Variants in BRWD1 observed in about 807,000 individuals in gnomAD.
BRWD1 encodes bromodomain and WD repeat domain containing 1, also known as bromodomain and WD repeat-containing protein 1.
In BRWD1, 82 loss-of-function variants were observed where a neutral mutation model predicts 251.2. That is an observed-to-expected ratio of 0.33 (90% CI 0.27 to 0.39). The LOEUF is 0.39. Ranked by LOEUF, BRWD1 falls within the 10% of genes least tolerant of loss-of-function variation. BRWD1 has a pLI of 1.00. For synonymous variants in BRWD1, 918 were observed against 902.8 expected (o/e 1.02, Z -0.30); for missense variants, 2,233 against 2,711.6 (o/e 0.82, Z 3.92).
At chr21:39,314,979 GGCTTTTATTTACACCAAATAGCAAAA>G (rs2036669817), upstream of BRWD1, 2 of 152,344 alleles carry the variant, frequency 1.3e-5, no homozygotes, top group East Asian at 1.9e-4. Flanking sequence ...TGTACAAGTT[GGCTTTTATTTACACCAAATAGCAAAA>G]GCTTTTATTT....
At chr21:39,202,855 G>T (rs915453161) in intron 37 of BRWD1, among the ~76,000 whole-genome samples, 3 of 152,116 alleles carry the variant, frequency 2.0e-5, no homozygotes, top group Non-Finnish European at 4.4e-5. Context: ...CAACATTTAC[G>T]TAATATAGGT....
chr21:39,194,269 T>C lies in BRWD1; in HGVS notation c.*1990A>G. ...TATTCCATATTTATTTATGGATTTT[T>C]TTGGTACCTTTTTGCAAATGATGGT... On this transcript the variant is annotated 3_prime_UTR_variant, in exon 41 of 41. Coordinates refer to ENST00000342449, the MANE Select transcript of BRWD1 (RefSeq NM_033656.4). The C allele has an allele frequency of 1.0e-6, 1 of 989,996 alleles. No individual in the cohort carries two copies. Among genetic ancestry groups the C allele is most frequent in the African/African-American group, 1.7e-5 (1 of 57,354 alleles). 61.3% of individuals were successfully genotyped at this position (989,996 alleles called of 1,614,324 possible). A position where few individuals can be genotyped will look rare whatever the true frequency, so the allele number is the denominator to read the frequency against.
At position 39,196,797 on chromosome 21, in the gene BRWD1, T is replaced by C. The variant is rs1398780604; in HGVS notation, c.6272A>G (p.Tyr2091Cys). The C allele has an allele frequency of 1.2e-6, 2 of 1,613,218 alleles. No homozygotes were observed. The highest frequency in any genetic ancestry group is 1.3e-5 in the African/African-American group (1 of 74,922). Residue 2091 changes from tyrosine (Y) to cysteine (C), a missense_variant, in exon 41 of 41, where the codon TAT becomes TGT. Around this residue, in one of 12 missense-constraint regions of BRWD1, gnomAD observed 928 missense variants for 970.0 expected, o/e 0.96. Coordinates refer to ENST00000342449, the MANE Select transcript of BRWD1 (RefSeq NM_033656.4). Reference sequence around the variant, plus strand: ...TCTGCCATTCCACCTGCGCAGCCCATAATTCAGTTCCACTTCAAAATTATT... The same window carrying C: ...TCTGCCATTCCACCTGCGCAGCCCACAATTCAGTTCCACTTCAAAATTATT... Reference protein sequence around the residue: ...AENNFEVELNYGLRRWNGRRL... With the variant: ...AENNFEVELNCGLRRWNGRRL...
At chr21:39,318,370 C>G (rs1476975902), upstream of BRWD1, among the ~76,000 whole-genome samples, 1 of 152,096 alleles carries the variant, frequency 6.6e-6, no homozygotes, top group Non-Finnish European at 1.5e-5. Context: ...ACTCAGATAC[C>G]TAATCCAAAG....
chr21:39,197,558 T>C (rs571786324), intron 40 of BRWD1, 143 bp from the exon 41 acceptor site: 44 of 658,580 alleles, frequency 6.7e-5, no homozygotes, highest in Admixed American at 9.7e-5. Context: ...ATTAGTATAG[T>C]CATATGTTGC....
chr21:39,309,541 G>A (rs997656253), intron 4 of BRWD1, among the ~76,000 whole-genome samples: 1 of 152,002 alleles, frequency 6.6e-6, no homozygotes, highest in East Asian at 1.9e-4. Flanking sequence ...GACACCCAGG[G>A]AGGCCGGGCG....
rs2031569385 is a variant in BRWD1 at position 39,191,823 on chromosome 21, C to T, written c.*4436G>A. ...CCTCTTCTCTTTGGCAGTCTAAAATCTCATTTAAGGGCTTTAATAAATGAA... is the reference window on the plus strand; with the variant it reads ...CCTCTTCTCTTTGGCAGTCTAAAATTTCATTTAAGGGCTTTAATAAATGAA... On this transcript the variant is annotated 3_prime_UTR_variant, in exon 41 of 41. Transcript: ENST00000342449. The T allele has an allele frequency of 1.1e-5, 11 of 985,082 alleles. No individual in the cohort carries two copies. The highest frequency in any genetic ancestry group is 1.1e-4 in the East Asian group (1 of 8,810). 61.0% of individuals were successfully genotyped at this position (985,082 alleles called of 1,614,324 possible).
intron 4 of BRWD1, 129 bp from the exon 5 acceptor site, chr21:39,298,711 AGAC>A (rs2146763428): frequency 4.4e-6 from 3 of 686,724 alleles, no homozygotes; most frequent in East Asian, 3.2e-5. Flanking sequence ...GAGAAATTAA[AGAC>A]GACTTAAATA....
At position 39,271,626 on chromosome 21, in the gene BRWD1, G is replaced by T. The variant is rs574914730; in HGVS notation, c.1245-1193C>A. ...GTGGGAGGATAGCATGAACCCAGGA[G>T]GCGGAACTTACAGTGAGCCAAGATC... On this transcript the variant is annotated intron_variant, in intron 13 of 40. Transcript: ENST00000342449. Among the ~76,000 whole-genome samples, 21 of 148,354 alleles carry T rather than the reference G, an allele frequency of 1.4e-4. No individual in the cohort carries two copies. The South Asian group carries it at 4.5e-3, about 32-fold the overall frequency.
chr21:39,252,452 T>C (rs1306962347), intron 19 of BRWD1, among the ~76,000 whole-genome samples: 1 of 152,128 alleles, frequency 6.6e-6, no homozygotes, highest in Admixed American at 6.5e-5. Context: ...CAAACTTTTA[T>C]AGTCAGAAAA....
chr21:39,191,000 T>C lies in BRWD1; in HGVS notation c.*5259A>G. ...AAAAACTCAGATTTGTGATGGCTAT[T>C]GCAATTTTTAATAAAAATCTCATAA... On this transcript the variant is annotated 3_prime_UTR_variant, in exon 41 of 41. Coordinates refer to ENST00000342449, the MANE Select transcript of BRWD1 (RefSeq NM_033656.4). 1.0e-6 allele frequency: 1 copy of C among 985,342 alleles called. No individual in the cohort carries two copies. Among genetic ancestry groups the C allele is most frequent in the Non-Finnish European group, 1.2e-6 (1 of 829,846 alleles). 61.0% of individuals were successfully genotyped at this position (985,342 alleles called of 1,614,324 possible).
chr21:39,292,873 T>C (rs1568961568), intron 8 of BRWD1, among the ~76,000 whole-genome samples: 1 of 152,188 alleles, frequency 6.6e-6, no homozygotes, highest in East Asian at 1.9e-4. Flanking sequence ...TAAAATACCA[T>C]TATGAGACAA....
chr21:39,298,381 TA>T (rs768446181), intron 5 of BRWD1, 50 bp downstream of exon 5: 1 of 1,476,686 alleles, frequency 6.8e-7, no homozygotes, highest in East Asian at 2.5e-5. Context: ...ACAATTATAA[TA>T]ATTATTAGGC....
At chr21:39,238,105 C>A (rs2033873184) in intron 22 of BRWD1, among the ~76,000 whole-genome samples, 1 of 152,076 alleles carries the variant, frequency 6.6e-6, no homozygotes, top group Non-Finnish European at 1.5e-5. Context: ...CAGAGGCTGA[C>A]ATTTTGGACC....
chr21:39,194,457 A>C lies in BRWD1; in HGVS notation c.*1802T>G, dbSNP rs1293578377. On this transcript the variant is annotated 3_prime_UTR_variant, in exon 41 of 41. Coordinates refer to ENST00000342449, the MANE Select transcript of BRWD1 (RefSeq NM_033656.4). ...TAGTCAAGGACAATTATCATGAATC[A>C]ATCTGTTTACTATCTACTTAACACA... is the stretch of plus-strand genomic sequence containing the variant. 7.5e-7 allele frequency: 1 copy of C among 1,341,628 alleles called. No homozygotes were observed. Among genetic ancestry groups the C allele is most frequent in the Non-Finnish European group, 9.5e-7 (1 of 1,048,792 alleles). The allele number at this position is 1,341,628 out of a possible 1,614,324, so 83.1% of individuals were successfully genotyped here.
Position 39,279,664 on chromosome 21 carries a change from A to AG in BRWD1, c.932+483_932+484insC, listed in dbSNP as rs1568945550. ...AAAAAAAAAAAAAAAAAAGAAAAAA[A>AG]AAAAGAAAACGAAAACAAAAGGAAA... On this transcript the variant is annotated intron_variant, in intron 9 of 40. Coordinates refer to ENST00000342449, the MANE Select transcript of BRWD1 (RefSeq NM_033656.4). Among the ~76,000 whole-genome samples the AG allele has an allele frequency of 3.4e-5, 3 of 87,652 alleles. 1 individual carries two copies. Among genetic ancestry groups the AG allele is most frequent in the African/African-American group, 6.2e-5 (2 of 32,370 alleles). The allele number at this position is 87,652 out of a possible 152,430, so 57.5% of individuals were successfully genotyped here.
In BRWD1 at chr21:39,210,848, A is replaced by G; in HGVS notation, c.3982T>C (p.Leu1328=). The change falls in exon 35 of 41, where the codon TTA becomes CTA. Residue 1328 remains leucine (L), a synonymous_variant. Transcript: ENST00000342449. ...WKKQCKELVN[L]IFQCEDSEPF... is the part of the protein sequence containing the mutation. ...TCAGAATCTTCACACTGAAAAATTA[A>G]GTTCACTAGTTCCTTACACTGTTTC... The G allele has an allele frequency of 6.2e-7, 1 of 1,612,812 alleles. No homozygotes were observed. The highest frequency in any genetic ancestry group is 1.1e-5 in the South Asian group (1 of 90,898).
At chr21:39,247,648 T>G in intron 21 of BRWD1, 53 bp downstream of exon 21, 1 of 1,534,846 alleles carries the variant, frequency 6.5e-7, no homozygotes, top group South Asian at 1.3e-5. Context: ...AGTAAAGAAT[T>G]AAGCCAAATT....
At chr21:39,217,445 CA>C in intron 31 of BRWD1, 1 of 207,014 alleles carries the variant, frequency 4.8e-6, no homozygotes, top group Non-Finnish European at 9.7e-6. Context: ...CAAGAGATTT[CA>C]GGAATATCAT....
Sources: allele counts gnomAD v4.1 joint callset (sites outside exome capture counted in the v4.1 genomes callset), GRCh38; gene constraint gnomAD v4.1.1; regional missense constraint gnomAD v4.1.1; transcripts MANE v1.5; gene names NCBI Gene and HGNC (gene_info 2026-07-23, HGNC 2026-07-21).